Variants in CACNA1A observed in about 807,000 individuals in gnomAD.
CACNA1A encodes calcium voltage-gated channel subunit alpha1 A.
In CACNA1A, 57 loss-of-function variants were observed where a neutral mutation model predicts 262.4. The observed-to-expected ratio is 0.22, with a 90% confidence interval of 0.18 to 0.27. The LOEUF (loss-of-function observed/expected upper bound fraction) is 0.27. Ranked by LOEUF, CACNA1A falls within the 10% of genes least tolerant of loss-of-function variation. The pLI is 1.00. For missense variants in CACNA1A, 2,526 were observed against 3,562.8 expected (o/e 0.71, Z 7.41); for synonymous variants, 1,431 against 1,419.3 (o/e 1.01, Z -0.18).
At chr19:13,457,151 TGAG>T (rs1207881166) in intron 1 of CACNA1A, among the ~76,000 whole-genome samples, 2 of 151,836 alleles carry the variant, frequency 1.3e-5, no homozygotes, top group Non-Finnish European at 2.9e-5. Flanking sequence ...CTTGGGAGGC[TGAG>T]GAGAGAGGAT....
chr19:13,356,024 C>T (rs975978242), intron 6 of CACNA1A, among the ~76,000 whole-genome samples: 1 of 152,152 alleles, frequency 6.6e-6, no homozygotes, highest in African/African-American at 2.4e-5. Context: ...ATTGCATGGG[C>T]TGCTAACCAA....
intron 12 of CACNA1A, among the ~76,000 whole-genome samples, chr19:13,310,677 G>GT (rs2058017892): frequency 6.6e-6 from 1 of 150,454 alleles, no homozygotes; most frequent in Admixed American, 6.6e-5. Context: ...TTGTCACAGA[G>GT]TATTTCATTA....
At position 13,257,492 on chromosome 19, in the gene CACNA1A, C is replaced by T. The variant is rs1271930393; in HGVS notation, c.4448G>A (p.Arg1483His). ...FENQGPSPGY[R>H]MEMSIFYVVY... ...GACGTAGAAAATGGACATCTCCATG[C>T]GGTACCCGGGGCTGGGGCCCTGGTT... is the stretch of plus-strand genomic sequence containing the variant. The change falls in exon 28 of 47, where the codon CGC becomes CAC. Residue 1483 changes from arginine to histidine, a missense_variant. Around this residue, in one of 17 missense-constraint regions of CACNA1A, gnomAD observed 137 missense variants for 377.7 expected, o/e 0.36. Coordinates refer to ENST00000360228, the MANE Select transcript of CACNA1A (RefSeq NM_001127222.2). 2.5e-6 allele frequency: 4 copies of T among 1,609,198 alleles called. No individual in the cohort carries two copies. Among genetic ancestry groups the T allele is most frequent in the Non-Finnish European group, 2.5e-6 (3 of 1,177,556 alleles).
At chr19:13,499,102 T>C (rs1300760420) in intron 1 of CACNA1A, among the ~76,000 whole-genome samples, 1 of 151,752 alleles carries the variant, frequency 6.6e-6, no homozygotes, top group South Asian at 2.1e-4. Flanking sequence ...TTGAGCAAAG[T>C]TTTTCTGTGG....
intron 33 of CACNA1A, 60 bp from the exon 34 acceptor site, chr19:13,235,096 C>G: frequency 7.8e-6 from 12 of 1,538,978 alleles, no homozygotes; most frequent in Non-Finnish European, 1.1e-5. Flanking sequence ...TCTGGGAAAC[C>G]CAGCTCAACC....
chr19:13,261,284 A>C, intron 26 of CACNA1A, 166 bp downstream of exon 26: 12 of 580,686 alleles, frequency 2.1e-5, no homozygotes, highest in Admixed American at 3.2e-5. Context: ...CTCAAATTCT[A>C]AAACCGGTTT....
At position 13,241,478 on chromosome 19, in the gene CACNA1A, G is replaced by A. The variant is rs370406227; in HGVS notation, c.4950+3704C>T. On this transcript the variant is annotated intron_variant, in intron 31 of 46. Coordinates refer to ENST00000360228, the MANE Select transcript of CACNA1A (RefSeq NM_001127222.2). The surrounding 1 kb of genome is among the most constrained non-coding windows in gnomAD (Gnocchi z 4.0). ...GCCGACGCGAGGAGATGCGTTCACA[G>A]TTAATGTAAGGCATTTAGACTTCAG... 2,095 of 1,219,930 alleles carry A rather than the reference G, an allele frequency of 1.7e-3. 4 individuals carry two copies. The Middle Eastern group carries it at 0.024, about 14-fold the overall frequency. The allele number at this position is 1,219,930 out of a possible 1,614,324, so 75.6% of individuals were successfully genotyped here.
At chr19:13,434,190 C>T (rs1379913833) in intron 3 of CACNA1A, among the ~76,000 whole-genome samples, 2 of 152,032 alleles carry the variant, frequency 1.3e-5, no homozygotes, top group Admixed American at 1.3e-4. Context: ...AAGTTTTCGC[C>T]CTGTCACCCA....
At chr19:13,259,312 C>CTTTTTT (rs74181818) in intron 27 of CACNA1A, 1,408 of 51,838 alleles carry the variant, frequency 0.027, 344 homozygotes, top group Non-Finnish European at 0.038. Context: ...TGCCTGGCAG[C>CTTTTTT]TTTTTTTTTT....
At chr19:13,342,831 G>T (rs2058698033) in intron 6 of CACNA1A, among the ~76,000 whole-genome samples, 1 of 152,202 alleles carries the variant, frequency 6.6e-6, no homozygotes, top group Admixed American at 6.5e-5. Flanking sequence ...AGCATGAGCA[G>T]GAAATACATC....
At chr19:13,449,587 A>C (rs921805919) in intron 3 of CACNA1A, among the ~76,000 whole-genome samples, 2 of 152,230 alleles carry the variant, frequency 1.3e-5, no homozygotes, top group Non-Finnish European at 2.9e-5. Flanking sequence ...CTAGGATTAC[A>C]GGTGTGAGCC....
chr19:13,418,668 G>C (rs368416507), intron 3 of CACNA1A, among the ~76,000 whole-genome samples: 1 of 151,968 alleles, frequency 6.6e-6, no homozygotes, highest in Non-Finnish European at 1.5e-5. Context: ...ATCCTCCCCC[G>C]GATCCTTTGG....
At chr19:13,490,873 G>A (rs572341360) in intron 1 of CACNA1A, among the ~76,000 whole-genome samples, 21 of 126,900 alleles carry the variant, frequency 1.7e-4, no homozygotes, top group Admixed American at 1.4e-3. Flanking sequence ...GGAAAGGAAG[G>A]AAAGGAGGAA....
chr19:13,289,903 A>G (rs920226406), intron 19 of CACNA1A, among the ~76,000 whole-genome samples: 2 of 148,882 alleles, frequency 1.3e-5, no homozygotes, highest in Admixed American at 6.7e-5. Context: ...TATTATATAT[A>G]TAACATATAT....
intron 3 of CACNA1A, among the ~76,000 whole-genome samples, chr19:13,429,764 C>T (rs902422693): frequency 9.2e-5 from 14 of 151,580 alleles, no homozygotes; most frequent in Non-Finnish European, 1.9e-4. Context: ...TCCATCCACA[C>T]AATGGAATAC....
In CACNA1A at chr19:13,276,030, G is replaced by A. The variant is rs188651443; in HGVS notation, c.3883-74C>T. 182 of 930,256 alleles carry A rather than the reference G, an allele frequency of 2.0e-4. No individual in the cohort carries two copies. The African/African-American group carries it at 2.0e-3, about 10-fold the overall frequency. 57.6% of individuals were successfully genotyped at this position (930,256 alleles called of 1,614,324 possible). ...CTGGGGTGCTGCCACCCACTCTCTAGCCTCTCGGGGAGAGGCAGGGAAGCC... is the reference window on the plus strand; with the variant it reads ...CTGGGGTGCTGCCACCCACTCTCTAACCTCTCGGGGAGAGGCAGGGAAGCC... On this transcript the variant is annotated intron_variant, in intron 23 of 46. Transcript: ENST00000360228.
chr19:13,323,101 A>C (rs534686767), intron 10 of CACNA1A, among the ~76,000 whole-genome samples: 3 of 152,238 alleles, frequency 2.0e-5, no homozygotes, highest in South Asian at 4.1e-4. Flanking sequence ...GTGAAACTAA[A>C]TACAAAAGTT....
At chr19:13,213,236 G>A (rs539415881) in intron 40 of CACNA1A, among the ~76,000 whole-genome samples, 14 of 152,186 alleles carry the variant, frequency 9.2e-5, no homozygotes, top group Admixed American at 6.5e-4. Flanking sequence ...ACCCAGGCAC[G>A]GTCCAGCCTC....
intron 28 of CACNA1A, among the ~76,000 whole-genome samples, chr19:13,255,710 TC>T (rs2056535851): frequency 1.6e-5 from 1 of 62,046 alleles, no homozygotes; most frequent in African/African-American, 6.0e-5. Flanking sequence ...CTTCCTTCCC[TC>T]CCTCCCTCCT....
Sources: gnomAD v4.1 joint callset for allele counts (sites outside exome capture counted in the v4.1 genomes callset) on GRCh38, gnomAD v4.1.1 for gene constraint, gnomAD v4.1.1 regional missense constraint, Gnocchi (gnomAD v3.1) non-coding constraint, MANE v1.5 for transcripts, NCBI Gene and HGNC (gene_info 2026-07-23, HGNC 2026-07-21) for gene names.